The following INPP5F variants were observed in gnomAD, a reference collection of about 807,000 sequenced individuals.
The protein encoded by INPP5F is inositol polyphosphate-5-phosphatase F.
A neutral mutation model predicts 137.2 loss-of-function variants in INPP5F; 97 were observed. The observed-to-expected ratio is 0.71, with a 90% confidence interval of 0.60 to 0.84. INPP5F has a LOEUF of 0.84. INPP5F is among the 40% of genes least tolerant of loss of function. INPP5F has a pLI of 0.00. For synonymous variants in INPP5F, 504 were observed against 476.9 expected (o/e 1.06, Z -0.74); for missense variants, 1,271 against 1,371.9 (o/e 0.93, Z 1.16).
At chr10:119,806,306 T>C (rs947385812) in intron 11 of INPP5F, 54 bp from the exon 12 acceptor site, 1 of 1,301,766 alleles carries the variant, frequency 7.7e-7, no homozygotes, top group African/African-American at 1.5e-5. Context: ...ATTGTGTCTT[T>C]TGAAAACCCT....
intron 5 of INPP5F, 30 bp downstream of exon 5, chr10:119,792,066 T>C: frequency 6.2e-7 from 1 of 1,613,980 alleles, no homozygotes; most frequent in African/African-American, 1.3e-5. Context: ...GAGCAGGGTT[T>C]GCACTTGGGA....
intron 11 of INPP5F, among the ~76,000 whole-genome samples, chr10:119,805,924 C>T (rs1850762975): frequency 6.6e-6 from 1 of 152,108 alleles, no homozygotes; most frequent in African/African-American, 2.4e-5. Context: ...CACGGGTGGC[C>T]AGAGAAATTA....
intron 2 of INPP5F, among the ~76,000 whole-genome samples, chr10:119,755,597 A>T (rs1848816608): frequency 6.6e-6 from 1 of 152,232 alleles, no homozygotes. Flanking sequence ...GCTTCATTAC[A>T]AAAGCATGTC....
At chr10:119,732,545 G>A (rs180805016) in intron 1 of INPP5F, among the ~76,000 whole-genome samples, 233 of 128,646 alleles carry the variant, frequency 1.8e-3, no homozygotes, top group African/African-American at 6.9e-3. Context: ...TGTTGCCCAG[G>A]CTGGAGTACA....
At chr10:119,789,881 G>A (rs1346191601) in intron 3 of INPP5F, among the ~76,000 whole-genome samples, 1 of 151,818 alleles carries the variant, frequency 6.6e-6, no homozygotes, top group African/African-American at 2.4e-5. Flanking sequence ...GGCAGAGGAG[G>A]AGTGACCAGT....
chr10:119,763,074 G>A (rs1291928086), intron 2 of INPP5F, among the ~76,000 whole-genome samples: 1 of 152,184 alleles, frequency 6.6e-6, no homozygotes, highest in Non-Finnish European at 1.5e-5. Context: ...ATACAATGGT[G>A]GGACAGACTT....
intron 15 of INPP5F, chr10:119,819,496 G>T: frequency 1.2e-6 from 2 of 1,604,564 alleles, no homozygotes; most frequent in Non-Finnish European, 1.7e-6. Context: ...GTGTCATGAC[G>T]TAATTTTTAT....
At chr10:119,765,039 T>C (rs1849116542) in intron 2 of INPP5F, among the ~76,000 whole-genome samples, 1 of 152,136 alleles carries the variant, frequency 6.6e-6, no homozygotes, top group South Asian at 2.1e-4. Flanking sequence ...TTCAAGCGAT[T>C]CTCCTGCCTC....
At position 119,744,996 on chromosome 10, in the gene INPP5F, C is replaced by T. The variant is rs375810843; in HGVS notation, c.98-6080C>T. Reference sequence around the variant, plus strand: ...CACAGACATTTTTATAGTTTTTTTTCTTTTTTTTTTTTAAGTCGAAATCTT... The same window carrying T: ...CACAGACATTTTTATAGTTTTTTTTTTTTTTTTTTTTTAAGTCGAAATCTT... On this transcript the variant is annotated intron_variant, in intron 1 of 19. Coordinates refer to ENST00000650623, the MANE Select transcript of INPP5F (RefSeq NM_014937.4). Among the ~76,000 whole-genome samples the T allele has an allele frequency of 1.2e-3, 181 of 151,452 alleles. 1 individual carries two copies. Among genetic ancestry groups the T allele is most frequent in the Non-Finnish European group, 1.9e-3 (132 of 67,862 alleles).
intron 1 of INPP5F, among the ~76,000 whole-genome samples, chr10:119,742,543 T>G (rs1354001250): frequency 6.6e-6 from 1 of 152,096 alleles, no homozygotes; most frequent in Non-Finnish European, 1.5e-5. Context: ...AAGTGAAAGA[T>G]TCATCAGTTA....
intron 5 of INPP5F, 36 bp from the exon 6 acceptor site, chr10:119,792,121 T>A (rs768684242): frequency 6.2e-7 from 1 of 1,614,088 alleles, no homozygotes; most frequent in Non-Finnish European, 8.5e-7. Flanking sequence ...ACTGAAATAA[T>A]GTGTTTCTGA....
At chr10:119,750,988 GA>G (rs1848675552) in intron 1 of INPP5F, 87 bp from the exon 2 acceptor site, 2 of 861,074 alleles carry the variant, frequency 2.3e-6, no homozygotes, top group Admixed American at 2.1e-5. Context: ...TTGGGACATT[GA>G]TTTTTTTTCA....
chr10:119,751,240 T>C, intron 2 of INPP5F, 84 bp downstream of exon 2: 1 of 848,042 alleles, frequency 1.2e-6, no homozygotes, highest in South Asian at 1.4e-5. Context: ...CATGAGATTC[T>C]CTTATAGCTT....
At chr10:119,805,748 T>C (rs12778102) in intron 11 of INPP5F, among the ~76,000 whole-genome samples, 7,211 of 152,276 alleles carry the variant, frequency 0.047, 312 homozygotes, top group South Asian at 0.26. Context: ...CATTTTCTCT[T>C]TCTCCTCTTT....
intron 15 of INPP5F, among the ~76,000 whole-genome samples, chr10:119,812,240 C>T (rs1851069432): frequency 6.6e-6 from 1 of 152,220 alleles, no homozygotes; most frequent in Non-Finnish European, 1.5e-5. Flanking sequence ...GTGGGTTCCC[C>T]ACTCCCTGCC....
chr10:119,747,776 T>C (rs1848581389), intron 1 of INPP5F, among the ~76,000 whole-genome samples: 1 of 152,194 alleles, frequency 6.6e-6, no homozygotes, highest in Non-Finnish European at 1.5e-5. Context: ...ATCACTTAAA[T>C]GTTTTCTTTG....
intron 8 of INPP5F, among the ~76,000 whole-genome samples, chr10:119,798,034 G>GT (rs71019721): frequency 0.34 from 50,556 of 147,736 alleles, 8,783 homozygotes; most frequent in South Asian, 0.42. Context: ...TTCTGTGAAA[G>GT]TTTTTTTTTT....
At chr10:119,764,267 G>C (rs1039637708) in intron 2 of INPP5F, among the ~76,000 whole-genome samples, 1 of 152,158 alleles carries the variant, frequency 6.6e-6, no homozygotes, top group African/African-American at 2.4e-5. Context: ...CCTGCTGCTT[G>C]GTACCAAAAT....
intron 14 of INPP5F, 64 bp from the exon 15 acceptor site, chr10:119,811,693 T>C: frequency 2.3e-6 from 3 of 1,331,410 alleles, no homozygotes; most frequent in Non-Finnish European, 3.1e-6. Flanking sequence ...TTACATTCTC[T>C]TTTGTTTTTT....
Sources: gnomAD v4.1 joint callset for allele counts (sites outside exome capture counted in the v4.1 genomes callset) on GRCh38, gnomAD v4.1.1 for gene constraint, MANE v1.5 for transcripts, NCBI Gene and HGNC (gene_info 2026-07-23, HGNC 2026-07-21) for gene names.